Variants in ANO4 observed in about 807,000 individuals in gnomAD.
The protein encoded by ANO4 is anoctamin-4.
Under a neutral mutation model 141.9 loss-of-function variants are expected in ANO4, and 69 were observed. The observed-to-expected ratio is 0.49, with a 90% CI of 0.40 to 0.59. ANO4 has a LOEUF of 0.59. Ranked by LOEUF, ANO4 falls within the 20% of genes least tolerant of loss-of-function variation. The pLI is 0.00. For missense variants in ANO4, 894 were observed against 1,162.2 expected, an observed-to-expected ratio of 0.77 and a Z score of 3.36; for synonymous variants, 350 against 394.3, an observed-to-expected ratio of 0.89 and a Z score of 1.33.
rs1555248384 is a variant in ANO4, at chr12:100,912,406, A to AAAG, written c.56-9818_56-9817insGAA. Among the ~76,000 whole-genome samples the AAAG allele has an allele frequency of 5.1e-4, 52 of 101,024 alleles. 2 individuals carry two copies. The highest frequency in any genetic ancestry group is 2.9e-4 in the African/African-American group (9 of 31,208). The allele number at this position is 101,024 out of a possible 152,430, so 66.3% of individuals were successfully genotyped here. ...CAGGACTCTGTCAAAAAAAAAAAAA[A>AAAG]AAAGAAAAAAGAAAAAAAAAAAAAA... On this transcript the variant is annotated intron_variant, in intron 2 of 27. Coordinates refer to ENST00000392977, the MANE Select transcript of ANO4 (RefSeq NM_001286615.2).
chr12:100,918,262 G>A (rs868469138), intron 2 of ANO4, among the ~76,000 whole-genome samples: 36 of 152,142 alleles, frequency 2.4e-4, no homozygotes, highest in Admixed American at 1.4e-3. Context: ...AGGAGGTTGA[G>A]GTTGCAGTAA....
At chr12:101,039,921 TA>T in intron 10 of ANO4, 33 bp from the exon 11 acceptor site, 1 of 1,595,878 alleles carries the variant, frequency 6.3e-7, no homozygotes, top group Non-Finnish European at 8.6e-7. Flanking sequence ...CTTTTGTGAG[TA>T]CTACCTCACT....
At chr12:101,059,123 G>T (rs1163048107) in intron 14 of ANO4, among the ~76,000 whole-genome samples, 1 of 152,202 alleles carries the variant, frequency 6.6e-6, no homozygotes, top group Non-Finnish European at 1.5e-5. Flanking sequence ...AGATAATCAT[G>T]TGGCTTTTGT....
rs2036047793 is a variant in ANO4, at chr12:100,821,456, TA to T, written c.-141+26433del. On this transcript the variant is annotated intron_variant, in intron 1 of 27. Transcript: ENST00000392977. The stretch of plus-strand genomic sequence containing the variant: ...TCGATTTGGAATGGAAGAATAAAAA[TA>T]AAATGACTCAGTTCATTTTTCTGCT... Among the ~76,000 whole-genome samples, 3 of 152,146 alleles carry T rather than the reference TA, an allele frequency of 2.0e-5. No individual in the cohort carries two copies. The East Asian group carries it at 5.8e-4, about 30-fold the overall frequency.
At chr12:101,060,089 C>T (rs1329115815) in intron 14 of ANO4, among the ~76,000 whole-genome samples, 3 of 152,126 alleles carry the variant, frequency 2.0e-5, no homozygotes, top group Non-Finnish European at 2.9e-5. Flanking sequence ...GCCTTTGTTC[C>T]CATTAGTTTC....
intron 3 of ANO4, among the ~76,000 whole-genome samples, chr12:100,935,102 G>T (rs944616724): frequency 1.1e-4 from 17 of 152,084 alleles, no homozygotes; most frequent in Non-Finnish European, 1.3e-4. Flanking sequence ...CTGCCTGATT[G>T]CCCTGGCCAG....
At chr12:101,119,177 G>A (rs988265171) in intron 25 of ANO4, among the ~76,000 whole-genome samples, 3 of 152,106 alleles carry the variant, frequency 2.0e-5, no homozygotes, top group African/African-American at 7.2e-5. Flanking sequence ...AAAATATAGA[G>A]GCCAGGTGCA....
intron 9 of ANO4, among the ~76,000 whole-genome samples, chr12:101,028,424 G>A (rs2046832647): frequency 6.6e-6 from 1 of 152,102 alleles, no homozygotes; most frequent in Non-Finnish European, 1.5e-5. Context: ...AAGAAGCTAA[G>A]AACCTTGAAA....
chr12:100,764,200 C>G (rs992144433), intron 3 of ANO4, among the ~76,000 whole-genome samples: 1 of 152,156 alleles, frequency 6.6e-6, no homozygotes, highest in Non-Finnish European at 1.5e-5. Flanking sequence ...AAATGGTTCT[C>G]AAAGGCAGCT....
intron 3 of ANO4, among the ~76,000 whole-genome samples, chr12:100,745,360 A>G (rs1010229455): frequency 1.3e-5 from 2 of 152,206 alleles, no homozygotes; most frequent in Admixed American, 1.3e-4. Context: ...TTCCACTGGC[A>G]ATTCTTATGC....
chr12:100,919,524 A>AT (rs1326850604), intron 2 of ANO4, among the ~76,000 whole-genome samples: 1 of 152,160 alleles, frequency 6.6e-6, no homozygotes, highest in Admixed American at 6.6e-5. Flanking sequence ...AGGCTGCACC[A>AT]TGTAACCTAG....
At chr12:100,823,846 A>G (rs60500878) in intron 1 of ANO4, among the ~76,000 whole-genome samples, 3,459 of 152,150 alleles carry the variant, frequency 0.023, 130 homozygotes, top group African/African-American at 0.079. Context: ...TCTATGCACA[A>G]TGTGTATTTG....
intron 1 of ANO4, among the ~76,000 whole-genome samples, chr12:100,718,955 T>C (rs889941652): frequency 3.3e-5 from 5 of 152,236 alleles, no homozygotes; most frequent in Non-Finnish European, 7.3e-5. Flanking sequence ...TGCTGCCCCA[T>C]GGATACTGTC....
rs573365767 is a variant in ANO4 at position 101,122,392 on chromosome 12, G to C, written c.2676+1767G>C. Among the ~76,000 whole-genome samples, 15 of 152,206 alleles carry C rather than the reference G, an allele frequency of 9.9e-5. No individual in the cohort carries two copies. In the South Asian group the frequency reaches 2.9e-3, roughly 29 times the overall value. ...TTGCTGTGCAGAAGCTCTTTAATTA[G>C]ATTTGACTTAGCAATTTTTGTTTTT... On this transcript the variant is annotated intron_variant, in intron 26 of 27. Coordinates refer to ENST00000392977, the MANE Select transcript of ANO4 (RefSeq NM_001286615.2).
Position 100,813,393 on chromosome 12 carries a change from C to T in ANO4, c.-141+18366C>T, listed in dbSNP as rs1381011037. Among the ~76,000 whole-genome samples, 8 of 152,218 alleles carry T rather than the reference C, an allele frequency of 5.3e-5. No individual in the cohort carries two copies. The East Asian group carries it at 1.4e-3, about 26-fold the overall frequency. ...CAGAAGGTTTGAAGGGAATGAATTC[C>T]CAGAGTCTGGATTGGATGCTCAGTC... On this transcript the variant is annotated intron_variant, in intron 1 of 27. Coordinates refer to ENST00000392977, the MANE Select transcript of ANO4 (RefSeq NM_001286615.2).
intron 3 of ANO4, among the ~76,000 whole-genome samples, chr12:100,784,693 T>C (rs1214601511): frequency 6.6e-6 from 1 of 152,224 alleles, no homozygotes; most frequent in African/African-American, 2.4e-5. Flanking sequence ...GGAAGAATTC[T>C]TGTTTATAGG....
At chr12:101,066,734 A>T (rs1298611806) in intron 14 of ANO4, 1 of 827,812 alleles carries the variant, frequency 1.2e-6, no homozygotes, top group East Asian at 2.4e-5. Context: ...CTGCGTTGCC[A>T]TGGCCACAGT....
At chr12:100,905,613 G>A (rs759324595) in intron 2 of ANO4, among the ~76,000 whole-genome samples, 4 of 152,152 alleles carry the variant, frequency 2.6e-5, no homozygotes, top group Non-Finnish European at 4.4e-5. Context: ...GTGGATTTAA[G>A]GGAGATGAGA....
chr12:100,897,579 A>G (rs2040408137), intron 1 of ANO4, among the ~76,000 whole-genome samples: 1 of 152,236 alleles, frequency 6.6e-6, no homozygotes, highest in Non-Finnish European at 1.5e-5. Context: ...CGAAAACTGC[A>G]CAATATGACC....
Sources: allele counts gnomAD v4.1 joint callset (sites outside exome capture counted in the v4.1 genomes callset), GRCh38; gene constraint gnomAD v4.1.1; transcripts MANE v1.5; gene names NCBI Gene and HGNC (gene_info 2026-07-23, HGNC 2026-07-21).